Variants in LRRC49 observed in about 807,000 individuals in gnomAD.
LRRC49 encodes the protein leucine-rich repeat-containing protein 49.
A neutral mutation model predicts 83.3 loss-of-function variants in LRRC49; 50 were observed. That is an observed-to-expected ratio of 0.60 (90% CI 0.48 to 0.76). LRRC49 has a LOEUF of 0.76. Among genes scored for constraint, LRRC49 ranks in the 30% least tolerant of loss-of-function variants. The probability of loss-of-function intolerance (pLI) is 0.00; values close to 1 mark genes in which losing one functional copy is unlikely to be tolerated. For synonymous variants in LRRC49, 286 were observed against 283.3 expected, an observed-to-expected ratio of 1.01 and a Z score of -0.10; for missense variants, 704 against 809.1, an observed-to-expected ratio of 0.87 and a Z score of 1.58.
Position 71,037,327 on chromosome 15 carries a change from C to G in LRRC49, c.1852C>G (p.Leu618Val). ...TACAAGAGACTTTTATAATGAAAAG[C>G]TAGAGGTAAAACTACTGTTAATCTT... is the stretch of plus-strand genomic sequence containing the variant. ...YTTRDFYNEK[L>V]EEIKEKKKFC... The change falls in exon 15 of 16, where the codon CTA (leucine) becomes GTA (valine). Residue 618 changes from leucine to valine, a missense_variant. Physicochemically the swap from Leu to Val is conservative, Grantham distance 32. Around this residue, in one of 3 missense-constraint regions of LRRC49, gnomAD observed 275 missense variants for 338.0 expected, o/e 0.81. Coordinates refer to ENST00000260382, the MANE Select transcript of LRRC49 (RefSeq NM_017691.5). 6.3e-7 allele frequency: 1 copy of G among 1,594,662 alleles called. No individual in the cohort carries two copies. The highest frequency in any genetic ancestry group is 8.5e-7 in the Non-Finnish European group (1 of 1,172,172).
chr15:70,884,608 CTTA>C (rs2033355963), intron 2 of LRRC49, among the ~76,000 whole-genome samples: 1 of 151,752 alleles, frequency 6.6e-6, no homozygotes, highest in Non-Finnish European at 1.5e-5. Flanking sequence ...TAACACAAAT[CTTA>C]TTTAAAGGGT....
chr15:70,951,601 A>G (rs1423795473), intron 8 of LRRC49, among the ~76,000 whole-genome samples: 1 of 152,060 alleles, frequency 6.6e-6, no homozygotes, highest in Admixed American at 6.5e-5. Flanking sequence ...ATTTTCTTAC[A>G]TTGATTTTGT....
intron 15 of LRRC49, among the ~76,000 whole-genome samples, chr15:71,041,849 G>A (rs554173405): frequency 1.6e-4 from 24 of 152,160 alleles, no homozygotes; most frequent in African/African-American, 4.6e-4. Flanking sequence ...TAGATATTAA[G>A]GCATATTATA....
At chr15:70,991,795 T>C (rs1254895982) in intron 11 of LRRC49, among the ~76,000 whole-genome samples, 1 of 152,252 alleles carries the variant, frequency 6.6e-6, no homozygotes. Flanking sequence ...AAACTAAATA[T>C]AATATAGCTT....
chr15:71,030,719 T>C (rs956170558), intron 14 of LRRC49, among the ~76,000 whole-genome samples: 1 of 152,236 alleles, frequency 6.6e-6, no homozygotes, highest in East Asian at 1.9e-4. Context: ...TCATTCCTTT[T>C]CATTCTTTTT....
intron 1 of LRRC49, among the ~76,000 whole-genome samples, chr15:70,868,707 G>T (rs2032963518): frequency 6.6e-6 from 1 of 152,174 alleles, no homozygotes; most frequent in Non-Finnish European, 1.5e-5. Flanking sequence ...TTAAACTTGG[G>T]TCACCCCAAA....
intron 11 of LRRC49, among the ~76,000 whole-genome samples, chr15:71,002,939 CTTTTTTTTTTTTT>C (rs35998597): frequency 9.3e-5 from 4 of 43,036 alleles, no homozygotes; most frequent in Admixed American, 8.9e-4. Context: ...ATTTTCTGGC[CTTTTTTTTTTTTT>C]TTTTTTTTTT....
chr15:71,029,717 A>G (rs186801752), intron 14 of LRRC49, among the ~76,000 whole-genome samples: 6 of 152,262 alleles, frequency 3.9e-5, no homozygotes, highest in Admixed American at 2.0e-4. Flanking sequence ...TATTAGACGC[A>G]TATATATTTA....
At chr15:70,907,792 TA>T (rs2034380232) in intron 5 of LRRC49, 2 of 360,302 alleles carry the variant, frequency 5.6e-6, no homozygotes, top group African/African-American at 4.3e-5. Flanking sequence ...CATCTTTTTC[TA>T]GTTTCAGTTT....
intron 9 of LRRC49, among the ~76,000 whole-genome samples, chr15:70,964,313 C>T (rs187640408): frequency 3.9e-5 from 6 of 152,078 alleles, no homozygotes; most frequent in Non-Finnish European, 7.4e-5. Context: ...TGCTTTCTAA[C>T]GATAGTCCTT....
chr15:70,909,890 A>C (rs1472814278), intron 5 of LRRC49, among the ~76,000 whole-genome samples: 4 of 150,306 alleles, frequency 2.7e-5, no homozygotes, highest in African/African-American at 7.3e-5. Flanking sequence ...AACAAACAAA[A>C]AAAGAAAGTT....
At chr15:70,990,690 C>T (rs2037843306) in intron 11 of LRRC49, among the ~76,000 whole-genome samples, 1 of 152,224 alleles carries the variant, frequency 6.6e-6, no homozygotes, top group African/African-American at 2.4e-5. Context: ...AACCCAGTAC[C>T]TCAGATGGAA....
At chr15:70,891,941 G>A (rs2033592137), upstream of LRRC49, 3 of 1,613,614 alleles carry the variant, frequency 1.9e-6, no homozygotes, top group African/African-American at 1.3e-5. Context: ...CTCTCCTCGC[G>A]TGTCCAGGCG....
chr15:70,912,371 G>A (rs1423195583), intron 6 of LRRC49, among the ~76,000 whole-genome samples: 1 of 152,072 alleles, frequency 6.6e-6, no homozygotes, highest in Non-Finnish European at 1.5e-5. Context: ...GTATATAGGA[G>A]TGAAACTGAT....
chr15:70,882,926 A>G (rs753535650), intron 2 of LRRC49: 2 of 1,613,480 alleles, frequency 1.2e-6, no homozygotes, highest in Non-Finnish European at 1.7e-6. Context: ...TACAAATCAG[A>G]GGAGAAACAT....
chr15:70,864,232 C>T (rs914591514), intron 1 of LRRC49, among the ~76,000 whole-genome samples: 1 of 152,016 alleles, frequency 6.6e-6, no homozygotes, highest in African/African-American at 2.4e-5. Context: ...GGAAAGAGCT[C>T]CCCCCAGAAT....
At chr15:70,934,375 ATGAT>A (rs1000347875) in intron 7 of LRRC49, among the ~76,000 whole-genome samples, 1 of 152,332 alleles carries the variant, frequency 6.6e-6, no homozygotes, top group African/African-American at 2.4e-5. Context: ...ACAACGAAAA[ATGAT>A]TGTGTATAAT....
intron 7 of LRRC49, among the ~76,000 whole-genome samples, chr15:70,934,023 A>G (rs1019010377): frequency 3.3e-5 from 5 of 152,088 alleles, no homozygotes; most frequent in Non-Finnish European, 5.9e-5. Flanking sequence ...ACCCTTCTAG[A>G]GCCTCCTGTC....
intron 11 of LRRC49, among the ~76,000 whole-genome samples, chr15:70,999,976 T>A (rs1243242517): frequency 6.6e-6 from 1 of 152,158 alleles, no homozygotes; most frequent in Non-Finnish European, 1.5e-5. Context: ...AACACACAAC[T>A]ACAACTTTTT....
Sources: allele counts gnomAD v4.1 joint callset (sites outside exome capture counted in the v4.1 genomes callset), GRCh38; gene constraint gnomAD v4.1.1; regional missense constraint gnomAD v4.1.1; transcripts MANE v1.5; gene names NCBI Gene and HGNC (gene_info 2026-07-23, HGNC 2026-07-21).